The following NKAIN2 variants were observed in gnomAD, a reference collection of about 807,000 sequenced individuals.
NKAIN2 encodes sodium/potassium transporting ATPase interacting 2.
A neutral mutation model predicts 32.6 loss-of-function variants in NKAIN2; 14 were observed. The observed-to-expected ratio is 0.43, with a 90% CI of 0.28 to 0.67. The LOEUF (loss-of-function observed/expected upper bound fraction) is 0.67. Ranked by LOEUF, NKAIN2 falls within the 30% of genes least tolerant of loss-of-function variation. The pLI is 0.17. For missense variants in NKAIN2, 198 were observed against 258.3 expected, an observed-to-expected ratio of 0.77 and a Z score of 1.60; for synonymous variants, 80 against 87.2, an observed-to-expected ratio of 0.92 and a Z score of 0.46.
At chr6:124,217,503 A>G (rs1470028351) in intron 1 of NKAIN2, among the ~76,000 whole-genome samples, 1 of 152,070 alleles carries the variant, frequency 6.6e-6, no homozygotes, top group Non-Finnish European at 1.5e-5. Context: ...AACGATCTGT[A>G]CAATGGAAAA....
intron 2 of NKAIN2, among the ~76,000 whole-genome samples, chr6:124,350,707 T>C (rs957112122): frequency 6.6e-6 from 1 of 152,214 alleles, no homozygotes; most frequent in African/African-American, 2.4e-5. Flanking sequence ...TGAAAGTAAA[T>C]GCAAGGATAT....
At chr6:123,853,371 G>A (rs1582654306) in intron 1 of NKAIN2, among the ~76,000 whole-genome samples, 1 of 152,118 alleles carries the variant, frequency 6.6e-6, no homozygotes, top group South Asian at 2.1e-4. Context: ...GGTCTCTTTG[G>A]CGTGCAGCCC....
At chr6:124,631,045 A>G (rs1299951016) in intron 3 of NKAIN2, among the ~76,000 whole-genome samples, 3 of 152,222 alleles carry the variant, frequency 2.0e-5, no homozygotes, top group Non-Finnish European at 4.4e-5. Context: ...AATTTTTTGT[A>G]GGAATCTTTT....
chr6:124,039,573 C>T (rs1562323443), intron 1 of NKAIN2, among the ~76,000 whole-genome samples: 1 of 151,750 alleles, frequency 6.6e-6, no homozygotes, highest in African/African-American at 2.4e-5. Flanking sequence ...CAATCGTTTA[C>T]TTATTTATTC....
intron 1 of NKAIN2, among the ~76,000 whole-genome samples, chr6:123,975,999 T>C (rs1778548417): frequency 6.6e-6 from 1 of 151,718 alleles, no homozygotes; most frequent in Non-Finnish European, 1.5e-5. Flanking sequence ...GTTCTGATGA[T>C]GGTGAATAAG....
At chr6:124,732,276 G>A (rs1385244609) in intron 4 of NKAIN2, among the ~76,000 whole-genome samples, 1 of 152,022 alleles carries the variant, frequency 6.6e-6, no homozygotes, top group Non-Finnish European at 1.5e-5. Flanking sequence ...GAGACCATTT[G>A]TACATATTTG....
At chr6:124,019,961 G>T (rs1780792532) in intron 1 of NKAIN2, among the ~76,000 whole-genome samples, 1 of 152,052 alleles carries the variant, frequency 6.6e-6, no homozygotes. Context: ...GACTATTCTT[G>T]TTAATAAACT....
intron 2 of NKAIN2, among the ~76,000 whole-genome samples, chr6:124,335,304 C>T (rs1797820734): frequency 6.6e-6 from 1 of 152,122 alleles, no homozygotes; most frequent in African/African-American, 2.4e-5. Flanking sequence ...ATGTGTTTGC[C>T]TAAAACAAGA....
intron 1 of NKAIN2, among the ~76,000 whole-genome samples, chr6:124,234,836 A>G (rs1406347241): frequency 6.6e-6 from 1 of 152,176 alleles, no homozygotes; most frequent in African/African-American, 2.4e-5. Flanking sequence ...GATTAAATGA[A>G]TAGTGCGAAG....
In NKAIN2 at chr6:123,804,092, G is replaced by A. The variant is rs1773110084; in HGVS notation, c.-109G>A. ...GCAGCAGCAGCAGCCCGGAGCCCCC[G>A]AGCCCTCGGCAGGTTTGCGTGTCCT... On this transcript the variant is annotated 5_prime_UTR_variant, in exon 1 of 7. Coordinates refer to ENST00000368417, the MANE Select transcript of NKAIN2 (RefSeq NM_001040214.3). The A allele has an allele frequency of 2.0e-6, 2 of 982,252 alleles. No individual in the cohort carries two copies. The highest frequency in any genetic ancestry group is 1.6e-5 in the African/African-American group (1 of 62,864). 60.8% of individuals were successfully genotyped at this position (982,252 alleles called of 1,614,324 possible).
chr6:124,298,011 T>G lies in NKAIN2; in HGVS notation c.192+14869T>G, dbSNP rs532724745. Reference sequence around the variant, plus strand: ...TATGGAATGAAAGGTTAATATAAAATATTGAGCATGTGTCTTGCATAAGTA... The same window carrying G: ...TATGGAATGAAAGGTTAATATAAAAGATTGAGCATGTGTCTTGCATAAGTA... On this transcript the variant is annotated intron_variant, in intron 2 of 6. Transcript: ENST00000368417. 1.2e-3 allele frequency among the ~76,000 whole-genome samples: 190 copies of G among 152,296 alleles called. 1 individual carries two copies. Among genetic ancestry groups the G allele is most frequent in the African/African-American group, 4.3e-3 (180 of 41,566 alleles).
intron 3 of NKAIN2, among the ~76,000 whole-genome samples, chr6:124,515,798 C>T (rs1269413872): frequency 4.3e-3 from 18 of 4,202 alleles, no homozygotes; most frequent in African/African-American, 0.014. Context: ...TCACGCCATT[C>T]TCCTGCCTCA....
chr6:124,390,445 T>C (rs1773093002), intron 3 of NKAIN2, among the ~76,000 whole-genome samples: 2 of 152,160 alleles, frequency 1.3e-5, no homozygotes, highest in South Asian at 4.1e-4. Flanking sequence ...AACTGGCTTT[T>C]ATTGCTTAAT....
At chr6:124,211,658 G>A (rs1262290622) in intron 1 of NKAIN2, among the ~76,000 whole-genome samples, 2 of 151,938 alleles carry the variant, frequency 1.3e-5, no homozygotes, top group Non-Finnish European at 2.9e-5. Context: ...GTTGTCCATA[G>A]GATTATTCAC....
chr6:124,600,738 G>C (rs966111426), intron 3 of NKAIN2, among the ~76,000 whole-genome samples: 1 of 152,032 alleles, frequency 6.6e-6, no homozygotes, highest in African/African-American at 2.4e-5. Context: ...ATAGATAAAA[G>C]TCAGTTATAG....
At chr6:124,089,621 T>C (rs2114924929) in intron 1 of NKAIN2, among the ~76,000 whole-genome samples, 1 of 152,048 alleles carries the variant, frequency 6.6e-6, no homozygotes, top group South Asian at 2.1e-4. Flanking sequence ...CACAAGACTA[T>C]TGCAGGCAAA....
intron 1 of NKAIN2, among the ~76,000 whole-genome samples, chr6:124,190,009 G>GTTTT (rs1216579710): frequency 1.3e-5 from 2 of 152,224 alleles, no homozygotes; most frequent in Non-Finnish European, 2.9e-5. Flanking sequence ...AGCAATTAAT[G>GTTTT]TGAAGTGTTT....
At chr6:124,269,170 A>G (rs903989926) in intron 1 of NKAIN2, among the ~76,000 whole-genome samples, 2 of 152,192 alleles carry the variant, frequency 1.3e-5, no homozygotes, top group African/African-American at 4.8e-5. Context: ...TCTAAAACTG[A>G]TAGAAAATAT....
intron 1 of NKAIN2, among the ~76,000 whole-genome samples, chr6:124,266,834 A>G (rs1278524762): frequency 6.6e-6 from 1 of 152,174 alleles, no homozygotes; most frequent in African/African-American, 2.4e-5. Context: ...AGATATAAAC[A>G]TGTAGATATA....
Sources: allele counts gnomAD v4.1 joint callset (sites outside exome capture counted in the v4.1 genomes callset), GRCh38; gene constraint gnomAD v4.1.1; transcripts MANE v1.5; gene names NCBI Gene and HGNC (gene_info 2026-07-23, HGNC 2026-07-21).